UNC5D: variants seen among roughly 807,000 people sequenced by gnomAD.
The protein encoded by UNC5D is netrin receptor UNC5D.
A neutral mutation model predicts 105.4 loss-of-function variants in UNC5D; 39 were observed. The ratio of observed to expected loss-of-function variants is 0.37; its 90% CI spans 0.29 to 0.48. The LOEUF is 0.48. Among genes scored for constraint, UNC5D ranks in the 20% least tolerant of loss-of-function variants. The pLI, the probability that UNC5D is intolerant of heterozygous loss-of-function variation, is 0.98. For missense variants in UNC5D, 991 were observed against 1,202.4 expected (o/e 0.82, Z 2.60); for synonymous variants, 452 against 450.4 (o/e 1.00, Z -0.04).
At chr8:35,301,622 T>C (rs987951863) in intron 1 of UNC5D, among the ~76,000 whole-genome samples, 1 of 152,324 alleles carries the variant, frequency 6.6e-6, no homozygotes, top group Middle Eastern at 3.4e-3. Context: ...CTGCCTCTGA[T>C]TGGCTGAAAT....
At chr8:35,245,999 C>A (rs747214294) in intron 1 of UNC5D, among the ~76,000 whole-genome samples, 1 of 152,150 alleles carries the variant, frequency 6.6e-6, no homozygotes, top group Admixed American at 6.5e-5. Context: ...CATCTAACCC[C>A]CTATGCTCGG....
At chr8:35,341,852 G>T (rs1345230339) in intron 1 of UNC5D, among the ~76,000 whole-genome samples, 1 of 152,076 alleles carries the variant, frequency 6.6e-6, no homozygotes, top group Non-Finnish European at 1.5e-5. Flanking sequence ...TGTTGTATAG[G>T]TGGTTTATGC....
chr8:35,308,532 C>T (rs971323991), intron 1 of UNC5D, among the ~76,000 whole-genome samples: 1 of 152,052 alleles, frequency 6.6e-6, no homozygotes, highest in Non-Finnish European at 1.5e-5. Flanking sequence ...TCCCCAGTGC[C>T]GTTCAGTGAA....
intron 16 of UNC5D, among the ~76,000 whole-genome samples, chr8:35,787,518 T>C (rs1417699731): frequency 6.6e-6 from 1 of 152,126 alleles, no homozygotes; most frequent in African/African-American, 2.4e-5. Flanking sequence ...TGGGTTTTGG[T>C]GACAGTGTTT....
At chr8:35,285,373 G>A (rs1033265826) in intron 1 of UNC5D, among the ~76,000 whole-genome samples, 5 of 152,266 alleles carry the variant, frequency 3.3e-5, no homozygotes, top group Non-Finnish European at 4.4e-5. Context: ...GAAGATAACC[G>A]TTGTCCCGAA....
At chr8:35,406,360 C>T (rs1002079536) in intron 1 of UNC5D, among the ~76,000 whole-genome samples, 6 of 152,096 alleles carry the variant, frequency 3.9e-5, no homozygotes, top group Non-Finnish European at 7.4e-5. Flanking sequence ...GAGCCTTTTT[C>T]CTGCAAGTTA....
intron 1 of UNC5D, chr8:35,544,301 T>C (rs1300941108): frequency 7.3e-7 from 1 of 1,364,368 alleles, no homozygotes; most frequent in Non-Finnish European, 9.8e-7. Context: ...TAAGTGAAGC[T>C]TGGAGTGCTG....
intron 1 of UNC5D, among the ~76,000 whole-genome samples, chr8:35,485,564 A>G (rs952689130): frequency 7.9e-5 from 12 of 152,124 alleles, no homozygotes; most frequent in African/African-American, 2.4e-4. Flanking sequence ...GGCTTTATGA[A>G]TATCCAGTGT....
chr8:35,575,090 C>G (rs1336329014), intron 3 of UNC5D, among the ~76,000 whole-genome samples: 1 of 152,134 alleles, frequency 6.6e-6, no homozygotes, highest in African/African-American at 2.4e-5. Flanking sequence ...TTCTAAGTGT[C>G]TAACTGAGTT....
intron 1 of UNC5D, among the ~76,000 whole-genome samples, chr8:35,466,097 C>T (rs1013295548): frequency 1.3e-5 from 2 of 152,158 alleles, no homozygotes; most frequent in African/African-American, 4.8e-5. Context: ...TGTTGTAAGG[C>T]ACCAAGCTTG....
At chr8:35,351,682 C>T (rs894277396) in intron 1 of UNC5D, among the ~76,000 whole-genome samples, 60 of 152,194 alleles carry the variant, frequency 3.9e-4, no homozygotes, top group African/African-American at 1.3e-3. Context: ...TCTAATTTCA[C>T]TCTCCCTAGC....
intron 13 of UNC5D, among the ~76,000 whole-genome samples, chr8:35,755,470 T>TTGTGTGTGTGTGTGTG (rs1174658022): frequency 1.4e-5 from 2 of 139,848 alleles, no homozygotes; most frequent in African/African-American, 6.4e-5. Flanking sequence ...GCGACATAAT[T>TTGTGTGTGTGTGTGTG]TGTGTGTATG....
In UNC5D at chr8:35,669,776, T is replaced by TCAAA. The variant is rs1246671912; in HGVS notation, c.571-13768_571-13765dup. Among the ~76,000 whole-genome samples, 8 of 152,248 alleles carry TCAAA rather than the reference T, an allele frequency of 5.3e-5. No homozygotes were observed. In the East Asian group the frequency reaches 7.7e-4, roughly 15 times the overall value. ...ATGATAAGTTTCAAATATTTTAATG[T>TCAAA]CAAACAGGTAAGGAAATCATCCGTC... On this transcript the variant is annotated intron_variant, in intron 4 of 16. Coordinates refer to ENST00000404895, the MANE Select transcript of UNC5D (RefSeq NM_080872.4).
chr8:35,709,107 C>T (rs1246874583), intron 8 of UNC5D, among the ~76,000 whole-genome samples: 1 of 151,988 alleles, frequency 6.6e-6, no homozygotes. Context: ...AGCTGATCTC[C>T]ATCTCCACTC....
intron 1 of UNC5D, among the ~76,000 whole-genome samples, chr8:35,490,414 G>A (rs1225182150): frequency 6.6e-6 from 1 of 152,044 alleles, no homozygotes; most frequent in Non-Finnish European, 1.5e-5. Flanking sequence ...CATGCTTGTA[G>A]TCTCAGCTAC....
chr8:35,694,926 A>ATGTT lies in UNC5D; in HGVS notation c.1084+8219_1084+8222dup, dbSNP rs1826654284. Among the ~76,000 whole-genome samples, 7 of 152,266 alleles carry ATGTT rather than the reference A, an allele frequency of 4.6e-5. No individual in the cohort carries two copies. In the South Asian group the frequency reaches 1.2e-3, roughly 27 times the overall value. The stretch of plus-strand genomic sequence containing the variant: ...AAGGAATTCTTGTGGCAGAAAAAAA[A>ATGTT]TGTTTTCCATGTTCTGCAAGAGTAT... On this transcript the variant is annotated intron_variant, in intron 7 of 16. Coordinates refer to ENST00000404895, the MANE Select transcript of UNC5D (RefSeq NM_080872.4).
chr8:35,293,285 C>T (rs1203350787), intron 1 of UNC5D, among the ~76,000 whole-genome samples: 1 of 151,976 alleles, frequency 6.6e-6, no homozygotes, highest in Non-Finnish European at 1.5e-5. Flanking sequence ...TTTTTATTTC[C>T]TCTAAAAATG....
chr8:35,700,619 T>C (rs895400923), intron 7 of UNC5D, among the ~76,000 whole-genome samples: 3 of 152,276 alleles, frequency 2.0e-5, no homozygotes, highest in Middle Eastern at 3.4e-3. Context: ...GTAAGAACCC[T>C]GAAGAGGGAA....
intron 4 of UNC5D, among the ~76,000 whole-genome samples, chr8:35,680,604 C>T (rs1327078605): frequency 1.3e-5 from 2 of 152,000 alleles, no homozygotes; most frequent in African/African-American, 2.4e-5. Flanking sequence ...CGTTCTTTTG[C>T]GCATGATTTT....
Sources: allele counts gnomAD v4.1 joint callset (sites outside exome capture counted in the v4.1 genomes callset), GRCh38; gene constraint gnomAD v4.1.1; transcripts MANE v1.5; gene names NCBI Gene and HGNC (gene_info 2026-07-23, HGNC 2026-07-21).